LOC400499: variants seen among roughly 807,000 people sequenced by gnomAD.
the LOC400499 span, among the ~76,000 whole-genome samples, chr16:11,443,096 G>A: frequency 1.3e-5 from 2 of 152,114 alleles, no homozygotes; most frequent in African/African-American, 4.8e-5. Flanking sequence ...GGCTGAGGCC[G>A]GGGGATCACC....
chr16:11,408,523 G>A, the LOC400499 span, among the ~76,000 whole-genome samples: 2 of 148,596 alleles, frequency 1.3e-5, no homozygotes, highest in African/African-American at 5.0e-5. Context: ...AGTGTGCAGT[G>A]GTGTGAACAC....
the LOC400499 span, chr16:11,443,330 CAAAAAAAAAAAAAAA>C: frequency 3.9e-6 from 1 of 257,976 alleles, no homozygotes; most frequent in East Asian, 1.5e-4. Flanking sequence ...TCCTCAGTCT[CAAAAAAAAAAAAAAA>C]AAAAAAAAAA....
the LOC400499 span, chr16:11,514,237 G>A: frequency 2.5e-6 from 1 of 397,990 alleles, no homozygotes; most frequent in Non-Finnish European, 4.4e-6. Flanking sequence ...ACCATTTTCA[G>A]CAATAGGTCA....
At chr16:11,393,565 A>G in the LOC400499 span, 4 of 1,232,180 alleles carry the variant, frequency 3.2e-6, no homozygotes, top group Non-Finnish European at 4.0e-6. Flanking sequence ...CGAAGCTGGG[A>G]GGGGGAAGGC....
chr16:11,403,806 CTG>C, the LOC400499 span, among the ~76,000 whole-genome samples: 1 of 151,838 alleles, frequency 6.6e-6, no homozygotes, highest in African/African-American at 2.4e-5. Context: ...GTTGTTGGCG[CTG>C]TGTCGGCACT....
chr16:11,446,818 C>G, the LOC400499 span: 1 of 1,536,168 alleles, frequency 6.5e-7, no homozygotes, highest in South Asian at 1.2e-5. Context: ...CAGGACAACC[C>G]TAGTCTCCAG....
chr16:11,402,987 A>G, the LOC400499 span, among the ~76,000 whole-genome samples: 2 of 150,056 alleles, frequency 1.3e-5, no homozygotes, highest in African/African-American at 5.0e-5. Context: ...GTGACAGGTG[A>G]CACCCCATAG....
At chr16:11,394,028 C>G in the LOC400499 span, among the ~76,000 whole-genome samples, 7 of 152,216 alleles carry the variant, frequency 4.6e-5, no homozygotes, top group African/African-American at 1.4e-4. Flanking sequence ...TTAGAGATGG[C>G]TGCTGCCCAG....
the LOC400499 span, chr16:11,391,735 T>A: frequency 1.6e-6 from 2 of 1,232,162 alleles, no homozygotes; most frequent in Non-Finnish European, 2.0e-6. Context: ...AGGTGCTGGG[T>A]CAGTGCCTGG....
chr16:11,439,747 G>A, the LOC400499 span, among the ~76,000 whole-genome samples: 1 of 152,052 alleles, frequency 6.6e-6, no homozygotes, highest in African/African-American at 2.4e-5. Flanking sequence ...TGCAGGCTGT[G>A]CTACTGAAAA....
chr16:11,462,026 T>C, the LOC400499 span: 1 of 1,142,464 alleles, frequency 8.8e-7, no homozygotes. Context: ...TAAGAGAAGC[T>C]GCAGTGATGA....
At chr16:11,497,848 GGGA>G in the LOC400499 span, among the ~76,000 whole-genome samples, 2 of 152,184 alleles carry the variant, frequency 1.3e-5, no homozygotes, top group African/African-American at 4.8e-5. Context: ...AAAAAAAAAT[GGGA>G]GGAGAAGAAA....
chr16:11,398,528 T>C, the LOC400499 span: 3 of 1,231,840 alleles, frequency 2.4e-6, no homozygotes, highest in Admixed American at 4.2e-5. Context: ...AGAGGGCCTA[T>C]GGGTCAGGGG....
the LOC400499 span, among the ~76,000 whole-genome samples, chr16:11,443,788 C>A: frequency 1.3e-4 from 19 of 151,870 alleles, no homozygotes; most frequent in African/African-American, 3.4e-4. Flanking sequence ...TAGGGAGCCA[C>A]ATGTCAAGAC....
chr16:11,524,293 C>A, the LOC400499 span, among the ~76,000 whole-genome samples: 1 of 145,852 alleles, frequency 6.9e-6, no homozygotes, highest in African/African-American at 2.6e-5. Context: ...ATCCACCCAC[C>A]CACTCCCCGC....
chr16:11,383,695 T>A, the LOC400499 span: 5 of 1,232,372 alleles, frequency 4.1e-6, no homozygotes, highest in Non-Finnish European at 5.1e-6. Flanking sequence ...CAGGTGGATG[T>A]AGGCGGCCGC....
the LOC400499 span, among the ~76,000 whole-genome samples, chr16:11,394,231 G>C: frequency 0.021 from 3,220 of 152,322 alleles, 76 homozygotes; most frequent in Middle Eastern, 0.088. Context: ...GCTTACCTAA[G>C]TCCCTGCAGG....
the LOC400499 span, among the ~76,000 whole-genome samples, chr16:11,409,921 G>A: frequency 4.6e-5 from 7 of 152,218 alleles, no homozygotes; most frequent in African/African-American, 1.7e-4. Flanking sequence ...AATGTTCACT[G>A]TCCTACAGTA....
At chr16:11,393,977 A>G in the LOC400499 span, among the ~76,000 whole-genome samples, 1 of 152,048 alleles carries the variant, frequency 6.6e-6, no homozygotes, top group African/African-American at 2.4e-5. Context: ...AAAAATACCC[A>G]TCTAGGAGCC....
Sources: gnomAD v4.1 joint callset for allele counts (sites outside exome capture counted in the v4.1 genomes callset) on GRCh38, gnomAD v4.1.1 for gene constraint, MANE v1.5 for transcripts.